Variants in FHDC1 observed in about 807,000 individuals in gnomAD.
FHDC1 encodes FH2 domain containing 1.
A neutral mutation model predicts 52.6 loss-of-function variants in FHDC1; 25 were observed. That is an observed-to-expected ratio of 0.48 (90% CI 0.35 to 0.66). The LOEUF is 0.66. Among genes scored for constraint, FHDC1 ranks in the 30% least tolerant of loss-of-function variants. FHDC1 has a pLI of 0.01. For missense variants in FHDC1, 1,459 were observed against 1,452.8 expected (o/e 1.00, Z -0.07); for synonymous variants, 616 against 581.5 (o/e 1.06, Z -0.85).
chr4:152,924,178 C>T, the FHDC1 span, among the ~76,000 whole-genome samples: 3 of 152,144 alleles, frequency 2.0e-5, no homozygotes, highest in Non-Finnish European at 2.9e-5. Context: ...AAACCAACAA[C>T]CCCATCAAAA....
intron 6 of FHDC1, among the ~76,000 whole-genome samples, chr4:152,962,539 C>T (rs767486027): frequency 6.6e-6 from 1 of 152,168 alleles, no homozygotes; most frequent in Non-Finnish European, 1.5e-5. Flanking sequence ...TTGCATTTTT[C>T]ACTAATTGAA....
rs1740875426 is a variant in FHDC1, at chr4:152,976,212, C to G, written c.2921C>G (p.Pro974Arg). Residue 974 changes from proline (P) to arginine (R), a missense_variant, in exon 12 of 12, where the codon CCC (proline) becomes CGC (arginine). Pro to Arg is a moderately radical substitution (Grantham distance 103). Coordinates refer to ENST00000511601, the MANE Select transcript of FHDC1 (RefSeq NM_001371116.1). ...AGCACCCGTCCGGGGAGGGACGTTC[C>G]CCTGCAGCCCAGGGGTTCTTTCAAG... ...SSSTRPGRDVPLQPRGSFKKP... is the reference protein window; with the variant it reads ...SSSTRPGRDVRLQPRGSFKKP... 6.2e-7 allele frequency: 1 copy of G among 1,612,966 alleles called. No individual in the cohort carries two copies. The highest frequency in any genetic ancestry group is 1.7e-5 in the Admixed American group (1 of 60,028).
At chr4:152,916,243 A>G in the FHDC1 span, among the ~76,000 whole-genome samples, 1 of 152,206 alleles carries the variant, frequency 6.6e-6, no homozygotes. Flanking sequence ...GAGTCACTTG[A>G]GTGTGTATTT....
chr4:152,936,355 A>G lies in FHDC1; in HGVS notation c.-185A>G, dbSNP rs1272080104. ...GGGAGGAGGCGGCTACGCCGACACA[A>G]CGGCGGGAGGCTGCAGCGGTCTGCG... On this transcript the variant is annotated 5_prime_UTR_variant, in exon 1 of 12. Coordinates refer to ENST00000511601, the MANE Select transcript of FHDC1 (RefSeq NM_001371116.1). 1 of 152,154 alleles carries G rather than the reference A, an allele frequency of 6.6e-6. No individual in the cohort carries two copies. The highest frequency in any genetic ancestry group is 6.6e-5 in the Admixed American group (1 of 15,260). The allele number at this position is 152,154 out of a possible 1,614,324, so 9.4% of individuals were successfully genotyped here. A position where few individuals can be genotyped will look rare whatever the true frequency, so the allele number is the denominator to read the frequency against.
the FHDC1 span, among the ~76,000 whole-genome samples, chr4:152,929,208 A>G: frequency 6.6e-6 from 1 of 152,168 alleles, no homozygotes; most frequent in Non-Finnish European, 1.5e-5. This position sits in a 1 kb window ranked among gnomAD's most constrained non-coding sequence, Gnocchi z 4.1. Context: ...GATAAGAGAG[A>G]AATGGTTGCA....
the FHDC1 span, among the ~76,000 whole-genome samples, chr4:152,919,944 CTTTTT>C: frequency 5.7e-4 from 40 of 70,322 alleles, no homozygotes; most frequent in East Asian, 9.9e-4. Flanking sequence ...TAGGGAAGTT[CTTTTT>C]TTTTTTTTTT....
At chr4:152,973,104 C>A (rs1740692019) in intron 11 of FHDC1, among the ~76,000 whole-genome samples, 1 of 152,250 alleles carries the variant, frequency 6.6e-6, no homozygotes, top group African/African-American at 2.4e-5. Flanking sequence ...AGCTACCTTT[C>A]TTGCCCTTCA....
chr4:152,949,124 TAAGAAGAAGAAGAAGAAGAAGAAGAAG>T (rs201070214), intron 2 of FHDC1, among the ~76,000 whole-genome samples: 23 of 74,700 alleles, frequency 3.1e-4, no homozygotes, highest in Non-Finnish European at 4.6e-4. Flanking sequence ...ATAATAATAA[TAAGAAGAAGAAGAAGAAGAAGAAGAAG>T]AAGAAGAAGA....
chr4:152,944,540 C>T (rs1470231444), intron 2 of FHDC1, among the ~76,000 whole-genome samples: 1 of 152,144 alleles, frequency 6.6e-6, no homozygotes, highest in African/African-American at 2.4e-5. Context: ...GGAGTAGCAG[C>T]TCCATGCATT....
chr4:152,973,241 G>A (rs193193279), intron 11 of FHDC1, among the ~76,000 whole-genome samples: 35 of 152,284 alleles, frequency 2.3e-4, no homozygotes, highest in Admixed American at 7.2e-4. Context: ...CCTTCATTTC[G>A]GGTGGTGTTG....
chr4:152,971,870 G>A (rs913883584), intron 10 of FHDC1, among the ~76,000 whole-genome samples: 1 of 152,168 alleles, frequency 6.6e-6, no homozygotes, highest in African/African-American at 2.4e-5. Context: ...CTGTGGGGGT[G>A]ACCCTGACCC....
At chr4:152,925,016 AAAAG>A in the FHDC1 span, among the ~76,000 whole-genome samples, 8 of 151,816 alleles carry the variant, frequency 5.3e-5, no homozygotes, top group Non-Finnish European at 1.0e-4. Flanking sequence ...ATAATAAAAA[AAAAG>A]AAGAAAAATA....
At chr4:152,966,057 T>A (rs145364184) in intron 9 of FHDC1, among the ~76,000 whole-genome samples, 127 of 152,346 alleles carry the variant, frequency 8.3e-4, no homozygotes, top group Non-Finnish European at 1.5e-3. Context: ...AGAATGGACA[T>A]CTTATAAGAT....
intron 4 of FHDC1, among the ~76,000 whole-genome samples, chr4:152,957,834 C>T (rs1238755981): frequency 6.6e-5 from 10 of 152,136 alleles, no homozygotes. Flanking sequence ...AATAGAGGTT[C>T]ACACTTGCAG....
chr4:152,949,755 G>T (rs13125685), intron 2 of FHDC1, among the ~76,000 whole-genome samples: 2 of 152,206 alleles, frequency 1.3e-5, no homozygotes, highest in Non-Finnish European at 2.9e-5. Context: ...CCCCCTGGCA[G>T]TTGCGGGGAA....
chr4:152,978,769 G>A lies in FHDC1; in HGVS notation c.*2046G>A, dbSNP rs537154308. The A allele has an allele frequency of 4.6e-5, 7 of 152,262 alleles. No homozygotes were observed. Among genetic ancestry groups the A allele is most frequent in the South Asian group, 2.1e-4 (1 of 4,820 alleles). 9.4% of individuals were successfully genotyped at this position (152,262 alleles called of 1,614,324 possible). On this transcript the variant is annotated 3_prime_UTR_variant, in exon 12 of 12. Transcript: ENST00000511601. ...TTTGTGGGGAATCCACGTGGTTGAC[G>A]TTAGAACCTCCCTTCTGCAGACTGT...
intron 9 of FHDC1, 91 bp downstream of exon 9, chr4:152,965,066 T>A: frequency 8.0e-7 from 1 of 1,252,774 alleles, no homozygotes; most frequent in Non-Finnish European, 1.1e-6. Context: ...GTTTGAAGTC[T>A]AAAAGGTTTT....
the FHDC1 span, among the ~76,000 whole-genome samples, chr4:152,920,864 A>G: frequency 1.3e-5 from 2 of 151,592 alleles, no homozygotes. Flanking sequence ...AAAAAAAAAA[A>G]CCCAATCTCT....
Position 152,954,218 on chromosome 4 carries a change from TCTC to T in FHDC1, c.566_568del (p.Pro189del). On this transcript the variant is annotated inframe_deletion and splice_region_variant, in exon 4 of 12. Transcript: ENST00000511601. ...AATGTGATTCATTGTCTTTTCAAGG[TCTC>T]CTCGGTCCATTGTAGAAGATATTCA... The T allele has an allele frequency of 6.2e-7, 1 of 1,612,740 alleles. No individual in the cohort carries two copies. The highest frequency in any genetic ancestry group is 2.2e-5 in the East Asian group (1 of 44,858).
Sources: allele counts gnomAD v4.1 joint callset (sites outside exome capture counted in the v4.1 genomes callset), GRCh38; gene constraint gnomAD v4.1.1; non-coding constraint Gnocchi (gnomAD v3.1); transcripts MANE v1.5; gene names NCBI Gene and HGNC (gene_info 2026-07-23, HGNC 2026-07-21).